The following ANKFN1 variants were observed in gnomAD, a reference collection of about 807,000 sequenced individuals.
The protein encoded by ANKFN1 is ankyrin repeat and fibronectin type III domain containing 1, also known as ankyrin repeat and fibronectin type-III domain-containing protein 1.
Under a neutral mutation model 108.7 loss-of-function variants are expected in ANKFN1, and 74 were observed. That is an observed-to-expected ratio of 0.68 (90% CI 0.56 to 0.83). ANKFN1 has a LOEUF of 0.83. ANKFN1 is among the 40% of genes least tolerant of loss of function. The pLI, the probability that ANKFN1 is intolerant of heterozygous loss-of-function variation, is 0.00. For synonymous variants in ANKFN1, 547 were observed against 516.2 expected (o/e 1.06, Z -0.81); for missense variants, 1,505 against 1,382.3 (o/e 1.09, Z -1.41).
chr17:56,072,871 A>C (rs1435247877), intron 4 of ANKFN1, among the ~76,000 whole-genome samples: 2 of 152,176 alleles, frequency 1.3e-5, no homozygotes, highest in Non-Finnish European at 2.9e-5. Context: ...AAGCCCAAAA[A>C]ATTTATCCTG....
chr17:56,117,466 G>A (rs1906351789), intron 4 of ANKFN1, among the ~76,000 whole-genome samples: 1 of 152,072 alleles, frequency 6.6e-6, no homozygotes. Flanking sequence ...AAATGGGATG[G>A]GCCACAAAAA....
chr17:56,258,797 G>C (rs1361805851), intron 3 of ANKFN1, among the ~76,000 whole-genome samples: 1 of 152,118 alleles, frequency 6.6e-6, no homozygotes, highest in Non-Finnish European at 1.5e-5. Context: ...TGTAGTCCCA[G>C]CTACTCGGGA....
chr17:56,489,560 A>G (rs1598711580), intron 18 of ANKFN1, among the ~76,000 whole-genome samples: 1 of 151,872 alleles, frequency 6.6e-6, no homozygotes, highest in Non-Finnish European at 1.5e-5. Flanking sequence ...GTGCTGTGAG[A>G]CCACCCACTG....
intron 3 of ANKFN1, among the ~76,000 whole-genome samples, chr17:56,265,768 A>C (rs892159578): frequency 5.9e-5 from 9 of 152,222 alleles, no homozygotes; most frequent in Non-Finnish European, 8.8e-5. Flanking sequence ...TCTGTAGATT[A>C]CTTATAATAC....
chr17:56,248,378 C>A (rs1029045964), intron 3 of ANKFN1, among the ~76,000 whole-genome samples: 1 of 152,114 alleles, frequency 6.6e-6, no homozygotes, highest in East Asian at 1.9e-4. Flanking sequence ...TCATGTTCCC[C>A]CAAAGTTTGT....
rs1184266815 is a variant in ANKFN1 at position 56,392,077 on chromosome 17, A to G, written c.910+17363A>G. Among the ~76,000 whole-genome samples the G allele has an allele frequency of 2.0e-5, 3 of 152,188 alleles. No individual in the cohort carries two copies. The East Asian group carries it at 5.8e-4, about 29-fold the overall frequency. Reference sequence around the variant, plus strand: ...CATACTAAGTGGTTCCTACATGCCAAGCCATGTTCTTATGACTTTATATAC... The same window carrying G: ...CATACTAAGTGGTTCCTACATGCCAGGCCATGTTCTTATGACTTTATATAC... On this transcript the variant is annotated intron_variant, in intron 8 of 20. Transcript: ENST00000682825.
rs545618412 is a variant in ANKFN1, at chr17:56,294,465, A to G, written c.54-31756A>G. 2.6e-5 allele frequency among the ~76,000 whole-genome samples: 4 copies of G among 152,282 alleles called. No homozygotes were observed. In the South Asian group the frequency reaches 6.2e-4, roughly 24 times the overall value. On this transcript the variant is annotated intron_variant, in intron 3 of 20. Transcript: ENST00000682825. ...TTATCAAAGAAGAAAACAGACTTAC[A>G]TTTTCTAGTTCTCTGCTTCTCTCTC...
At chr17:56,228,431 A>G (rs1367675712) in intron 3 of ANKFN1, 1 of 153,840 alleles carries the variant, frequency 6.5e-6, no homozygotes, top group Non-Finnish European at 1.4e-5. Context: ...TCCAGAACTA[A>G]TCTCCTGTGT....
chr17:56,087,170 T>G (rs1412390029), intron 4 of ANKFN1, among the ~76,000 whole-genome samples: 1 of 151,250 alleles, frequency 6.6e-6, no homozygotes, highest in Non-Finnish European at 1.5e-5. Flanking sequence ...ACCTGTTTGA[T>G]TCTGTGTCTG....
At chr17:56,171,173 A>T (rs1910665647) in intron 1 of ANKFN1, among the ~76,000 whole-genome samples, 1 of 152,024 alleles carries the variant, frequency 6.6e-6, no homozygotes, top group South Asian at 2.1e-4. Flanking sequence ...GGAACCCTCC[A>T]TTTGAAGGTG....
At chr17:56,265,612 A>G (rs1481186383) in intron 3 of ANKFN1, among the ~76,000 whole-genome samples, 1 of 152,188 alleles carries the variant, frequency 6.6e-6, no homozygotes, top group Non-Finnish European at 1.5e-5. Context: ...CAAGTATAGG[A>G]CTGTACAGCT....
chr17:56,408,893 A>G (rs566582523), intron 8 of ANKFN1, among the ~76,000 whole-genome samples: 118 of 152,114 alleles, frequency 7.8e-4, no homozygotes, highest in Admixed American at 2.6e-3. Context: ...AGATTATGTT[A>G]CTTAGAATAC....
chr17:56,149,262 C>T (rs1908452123), upstream of ANKFN1, among the ~76,000 whole-genome samples: 1 of 152,102 alleles, frequency 6.6e-6, no homozygotes, highest in Admixed American at 6.5e-5. Flanking sequence ...AGGCAAGAAA[C>T]CCCTTTTTCA....
At chr17:56,243,630 CCCTAATTCTAGTCCTT>C (rs1403748071) in intron 3 of ANKFN1, among the ~76,000 whole-genome samples, 1 of 152,096 alleles carries the variant, frequency 6.6e-6, no homozygotes, top group Non-Finnish European at 1.5e-5. Context: ...TCCTAGCCCT[CCCTAATTCTAGTCCTT>C]CCTAGCCCTG....
At chr17:56,121,519 C>T (rs755373086) in intron 4 of ANKFN1, among the ~76,000 whole-genome samples, 5 of 151,722 alleles carry the variant, frequency 3.3e-5, no homozygotes, top group African/African-American at 4.8e-5. Context: ...GTTCATTATA[C>T]GGGGACTTTT....
intron 15 of ANKFN1, chr17:56,471,518 A>G (rs571126147): frequency 6.6e-6 from 1 of 152,304 alleles, no homozygotes; most frequent in Admixed American, 6.5e-5. Context: ...CAGGAATCAG[A>G]AAGATTGCTG....
At chr17:56,395,057 A>C (rs970784928) in intron 8 of ANKFN1, among the ~76,000 whole-genome samples, 4 of 152,164 alleles carry the variant, frequency 2.6e-5, no homozygotes, top group African/African-American at 9.7e-5. Context: ...TGGGGGTGGA[A>C]GGTGTCCCTT....
At chr17:56,280,033 G>A (rs1421880699) in intron 3 of ANKFN1, among the ~76,000 whole-genome samples, 3 of 131,964 alleles carry the variant, frequency 2.3e-5, no homozygotes, top group Admixed American at 7.1e-5. Context: ...TTCTCAAGAC[G>A]GAGTTTCTTT....
At chr17:56,402,978 CTGTATTTGCCA>C (rs1382073237) in intron 8 of ANKFN1, among the ~76,000 whole-genome samples, 1 of 151,806 alleles carries the variant, frequency 6.6e-6, no homozygotes, top group African/African-American at 2.4e-5. Context: ...AGCAGTATGC[CTGTATTTGCCA>C]TGTATTTGCA....
Sources: gnomAD v4.1 joint callset for allele counts (sites outside exome capture counted in the v4.1 genomes callset) on GRCh38, gnomAD v4.1.1 for gene constraint, MANE v1.5 for transcripts, NCBI Gene and HGNC (gene_info 2026-07-23, HGNC 2026-07-21) for gene names.